Variants in LRRC4C observed in about 807,000 individuals in gnomAD.
LRRC4C encodes the protein leucine-rich repeat-containing protein 4C.
LRRC4C carries 5 observed loss-of-function variants against 33.6 expected under a neutral mutation model. That is an observed-to-expected ratio of 0.15 (90% CI 0.08 to 0.31). The LOEUF (loss-of-function observed/expected upper bound fraction) is 0.31. Ranked by LOEUF, LRRC4C falls within the 10% of genes least tolerant of loss-of-function variation. The pLI, the probability that LRRC4C is intolerant of heterozygous loss-of-function variation, is 1.00. For missense variants in LRRC4C, 560 were observed against 796.7 expected (o/e 0.70, Z 3.58); for synonymous variants, 329 against 302.0 (o/e 1.09, Z -0.93).
chr11:40,210,136 A>C (rs1863475059), intron 5 of LRRC4C, among the ~76,000 whole-genome samples: 1 of 151,994 alleles, frequency 6.6e-6, no homozygotes, highest in African/African-American at 2.4e-5. Flanking sequence ...TTATGTAGAA[A>C]AGAATATATA....
At chr11:40,919,774 G>A (rs1163860012) in intron 2 of LRRC4C, among the ~76,000 whole-genome samples, 1 of 151,954 alleles carries the variant, frequency 6.6e-6, no homozygotes, top group Non-Finnish European at 1.5e-5. Flanking sequence ...TGAATGTATA[G>A]AAATCTACAC....
chr11:40,542,170 A>C (rs574505580), intron 3 of LRRC4C, among the ~76,000 whole-genome samples: 156 of 151,836 alleles, frequency 1.0e-3, no homozygotes, highest in Admixed American at 3.7e-3. Context: ...TCAGAAACTT[A>C]CTTAAATCCT....
At chr11:40,998,165 C>G (rs992138422) in intron 1 of LRRC4C, among the ~76,000 whole-genome samples, 1 of 151,732 alleles carries the variant, frequency 6.6e-6, no homozygotes, top group Non-Finnish European at 1.5e-5. Context: ...AATTCTGAAC[C>G]TAGTATTTGA....
chr11:40,190,500 C>G (rs1339191287), intron 5 of LRRC4C, among the ~76,000 whole-genome samples: 1 of 152,192 alleles, frequency 6.6e-6, no homozygotes, highest in Non-Finnish European at 1.5e-5. Context: ...TCCTCTGGCA[C>G]ACAGCTGCAC....
At chr11:40,920,928 T>TG (rs1957147195) in intron 2 of LRRC4C, among the ~76,000 whole-genome samples, 1 of 151,504 alleles carries the variant, frequency 6.6e-6, no homozygotes, top group South Asian at 2.1e-4. Context: ...ATCAAGGTTT[T>TG]TTTTTTTTTT....
chr11:40,916,543 G>A (rs554463498), intron 2 of LRRC4C, among the ~76,000 whole-genome samples: 57 of 152,044 alleles, frequency 3.7e-4, no homozygotes, highest in Non-Finnish European at 7.1e-4. Context: ...AGCGGGGCCT[G>A]TTGTGGGGTG....
intron 1 of LRRC4C, among the ~76,000 whole-genome samples, chr11:41,123,272 T>TG (rs1565404138): frequency 1.2e-5 from 1 of 85,464 alleles, no homozygotes; most frequent in African/African-American, 3.9e-5. Flanking sequence ...TTTTTTTTTT[T>TG]TTTTTTTTTT....
At chr11:40,405,509 C>T (rs1257887936) in intron 3 of LRRC4C, among the ~76,000 whole-genome samples, 3 of 149,426 alleles carry the variant, frequency 2.0e-5, no homozygotes, top group African/African-American at 7.4e-5. Flanking sequence ...TGGTAGTGGG[C>T]ACCTGTGATC....
chr11:41,072,188 A>G (rs1938735990), intron 1 of LRRC4C, among the ~76,000 whole-genome samples: 2 of 152,108 alleles, frequency 1.3e-5, no homozygotes, highest in Admixed American at 1.3e-4. Context: ...ATTTACTGCA[A>G]TTTTGAAATT....
intron 1 of LRRC4C, among the ~76,000 whole-genome samples, chr11:41,104,082 T>C (rs1941355682): frequency 6.6e-6 from 1 of 151,858 alleles, no homozygotes; most frequent in Non-Finnish European, 1.5e-5. Context: ...CATGAGCACA[T>C]AAAATATGAG....
chr11:40,711,213 A>G (rs1234945485), intron 2 of LRRC4C, among the ~76,000 whole-genome samples: 1 of 152,150 alleles, frequency 6.6e-6, no homozygotes, highest in African/African-American at 2.4e-5. Context: ...CTTTCTGACC[A>G]GTCCCAGTGA....
intron 1 of LRRC4C, among the ~76,000 whole-genome samples, chr11:41,017,779 T>C (rs1855694062): frequency 6.7e-6 from 1 of 149,758 alleles, no homozygotes; most frequent in African/African-American, 2.4e-5. Context: ...ATATATAATA[T>C]ATATTAATAA....
intron 1 of LRRC4C, among the ~76,000 whole-genome samples, chr11:41,115,375 CT>C (rs143239776): frequency 0.083 from 12,471 of 149,964 alleles, 608 homozygotes; most frequent in East Asian, 0.18. Context: ...ATCCCCCCAT[CT>C]TTTTTTTTCT....
At chr11:40,910,398 A>G (rs1376810809) in intron 2 of LRRC4C, among the ~76,000 whole-genome samples, 3 of 152,224 alleles carry the variant, frequency 2.0e-5, no homozygotes, top group Non-Finnish European at 4.4e-5. Flanking sequence ...TTAAGAAATT[A>G]TCATCTGGTT....
At chr11:40,683,253 C>A (rs537805684) in intron 2 of LRRC4C, among the ~76,000 whole-genome samples, 1 of 152,298 alleles carries the variant, frequency 6.6e-6, no homozygotes, top group South Asian at 2.1e-4. Flanking sequence ...GTATGCTCGG[C>A]ATCCCTTTAG....
At chr11:40,891,836 G>C (rs7936447) in intron 2 of LRRC4C, among the ~76,000 whole-genome samples, 132,552 of 152,168 alleles carry the variant, frequency 0.87, 58,264 homozygotes, top group Non-Finnish European at 0.94. Flanking sequence ...GTGGAGAACA[G>C]TATAGAAGTT....
intron 3 of LRRC4C, among the ~76,000 whole-genome samples, chr11:40,494,573 A>T (rs1954330062): frequency 6.6e-6 from 1 of 152,154 alleles, no homozygotes; most frequent in Non-Finnish European, 1.5e-5. Flanking sequence ...TACATATGAC[A>T]TAAATCAGAC....
intron 1 of LRRC4C, among the ~76,000 whole-genome samples, chr11:41,051,127 G>C (rs1858174518): frequency 1.3e-5 from 2 of 152,066 alleles, no homozygotes; most frequent in South Asian, 4.1e-4. Context: ...TGAAGTTTAA[G>C]ACCCTGGTTT....
At chr11:40,763,722 A>G (rs934417623) in intron 2 of LRRC4C, among the ~76,000 whole-genome samples, 2 of 152,128 alleles carry the variant, frequency 1.3e-5, no homozygotes, top group African/African-American at 4.8e-5. Flanking sequence ...GAAAAGCAAA[A>G]TAGGATAGAA....
Sources: allele counts gnomAD v4.1 joint callset (sites outside exome capture counted in the v4.1 genomes callset), GRCh38; gene constraint gnomAD v4.1.1; transcripts MANE v1.5; gene names NCBI Gene and HGNC (gene_info 2026-07-23, HGNC 2026-07-21).